The following NUDT13 variants were observed in gnomAD, a reference collection of about 807,000 sequenced individuals.
The protein encoded by NUDT13 is NAD(P)H pyrophosphatase NUDT13, mitochondrial.
Under a neutral mutation model 41.7 loss-of-function variants are expected in NUDT13, and 40 were observed. The ratio of observed to expected loss-of-function variants is 0.96; its 90% CI spans 0.75 to 1.25. The LOEUF is 1.25. NUDT13 is among the 50% of genes most tolerant of loss of function. NUDT13 has a pLI of 0.00. For synonymous variants in NUDT13, 145 were observed against 155.5 expected (o/e 0.93, Z 0.50); for missense variants, 390 against 416.1 (o/e 0.94, Z 0.55).
Position 73,114,361 on chromosome 10 carries a change from T to C in NUDT13, c.-5T>C. 2.0e-6 allele frequency: 3 copies of C among 1,501,374 alleles called. No individual in the cohort carries two copies. The highest frequency in any genetic ancestry group is 2.7e-6 in the Non-Finnish European group (3 of 1,104,588). 93.0% of individuals were successfully genotyped at this position (1,501,374 alleles called of 1,614,324 possible). On this transcript the variant is annotated 5_prime_UTR_variant, in exon 2 of 9. Coordinates refer to ENST00000357321, the MANE Select transcript of NUDT13 (RefSeq NM_015901.6). The stretch of plus-strand genomic sequence containing the variant: ...CTCCTTTTTTTTTTTTTTAAGGACC[T>C]GACAATGTCCCTGTATTGTGGAATA...
chr10:73,129,814 CT>C (rs1842873149), intron 8 of NUDT13, among the ~76,000 whole-genome samples: 1 of 151,546 alleles, frequency 6.6e-6, no homozygotes, highest in Non-Finnish European at 1.5e-5. Context: ...CCCGTCTCTA[CT>C]AAAAATACAA....
chr10:73,120,126 T>G lies in NUDT13; in HGVS notation c.192T>G (p.His64Gln). The part of the protein sequence containing the change: ...SLAPLLQTSA[H>Q]QYLAPRHSLL... ...CTCCTCTGCTTCAGACTTCAGCACATCAATACCTGGCCCCCCGGCACAGCC... is the reference window on the plus strand; with the variant it reads ...CTCCTCTGCTTCAGACTTCAGCACAGCAATACCTGGCCCCCCGGCACAGCC... The change falls in exon 3 of 9, where the codon CAT becomes CAG. Residue 64 changes from histidine to glutamine, a missense_variant. His to Gln is a conservative substitution (Grantham distance 24, BLOSUM62 0). Coordinates refer to ENST00000357321, the MANE Select transcript of NUDT13 (RefSeq NM_015901.6). The G allele has an allele frequency of 6.2e-7, 1 of 1,614,146 alleles. No homozygotes were observed. The highest frequency in any genetic ancestry group is 8.5e-7 in the Non-Finnish European group (1 of 1,180,026).
intron 2 of NUDT13, among the ~76,000 whole-genome samples, chr10:73,117,328 G>A (rs868274496): frequency 2.0e-5 from 3 of 151,602 alleles, no homozygotes; most frequent in South Asian, 2.1e-4. Flanking sequence ...AGGCTGAGAC[G>A]GGTGGATCAC....
At position 73,117,263 on chromosome 10, in the gene NUDT13, TA is replaced by T. The variant is rs370283970; in HGVS notation, c.84-2750del. Among the ~76,000 whole-genome samples the T allele has an allele frequency of 2.0e-4, 31 of 151,992 alleles. No individual in the cohort carries two copies. The East Asian group carries it at 5.6e-3, about 28-fold the overall frequency. On this transcript the variant is annotated intron_variant, in intron 2 of 8. Coordinates refer to ENST00000357321, the MANE Select transcript of NUDT13 (RefSeq NM_015901.6). ...TTAAATAAATCTATTTAAGAATGAA[TA>T]AAAATAATGAGGTCAGGCACGGTAG...
chr10:73,112,072 C>T (rs1842377555), intron 1 of NUDT13, among the ~76,000 whole-genome samples: 1 of 151,972 alleles, frequency 6.6e-6, no homozygotes, highest in African/African-American at 2.4e-5. Context: ...TAAATAAGGC[C>T]GGGGGCAGTG....
intron 8 of NUDT13, among the ~76,000 whole-genome samples, chr10:73,128,014 T>C (rs1243370732): frequency 1.3e-5 from 2 of 152,176 alleles, no homozygotes; most frequent in Non-Finnish European, 2.9e-5. Flanking sequence ...AGATTCCACA[T>C]ATAAGTGAGA....
chr10:73,122,387 G>A, intron 4 of NUDT13, 78 bp downstream of exon 4: 1 of 1,361,918 alleles, frequency 7.3e-7, no homozygotes, highest in Admixed American at 2.4e-5. Flanking sequence ...AAAATTTAAA[G>A]GAAAATTTGG....
intron 2 of NUDT13, among the ~76,000 whole-genome samples, chr10:73,117,877 A>G (rs913065978): frequency 1.3e-5 from 2 of 152,232 alleles, no homozygotes; most frequent in African/African-American, 4.8e-5. Context: ...TTCAACTTTG[A>G]TAATCATAGC....
intron 8 of NUDT13, among the ~76,000 whole-genome samples, chr10:73,129,167 C>CTT (rs900393888): frequency 0.013 from 1,398 of 110,116 alleles, 53 homozygotes; most frequent in African/African-American, 0.037. Context: ...AAGACGTTGT[C>CTT]TTTTTTTTTT....
intron 5 of NUDT13, 59 bp from the exon 6 acceptor site, chr10:73,125,059 G>T: frequency 3.2e-6 from 5 of 1,545,486 alleles, no homozygotes; most frequent in Middle Eastern, 2.3e-4. Flanking sequence ...GCCCAGTGCT[G>T]TTAAAGATGA....
At chr10:73,125,651 T>TTATATATATATATATATATATATATATA (rs57047791) in intron 7 of NUDT13, 142 bp downstream of exon 7, 278 of 195,414 alleles carry the variant, frequency 1.4e-3, no homozygotes, top group African/African-American at 7.3e-3. Flanking sequence ...TTCTGGCATT[T>TTATATATATATATATATATATATATATA]TATATATATA....
In NUDT13 at chr10:73,131,064, G is replaced by A. The variant is rs1842906928; in HGVS notation, c.*161G>A. 1 of 554,822 alleles carries A rather than the reference G, an allele frequency of 1.8e-6. No homozygotes were observed. Among genetic ancestry groups the A allele is most frequent in the East Asian group, 3.1e-5 (1 of 32,014 alleles). The allele number at this position is 554,822 out of a possible 1,614,324, so 34.4% of individuals were successfully genotyped here. On this transcript the variant is annotated 3_prime_UTR_variant, in exon 9 of 9. Transcript: ENST00000357321. ...AGACACTTCTATCAGCAGTGTTAAT[G>A]GAAGAAATTCCTACCAATGGGCAAT...
At chr10:73,129,167 C>CTTTTTTTTT (rs900393888) in intron 8 of NUDT13, among the ~76,000 whole-genome samples, 2 of 110,194 alleles carry the variant, frequency 1.8e-5, no homozygotes, top group African/African-American at 3.6e-5. Context: ...AAGACGTTGT[C>CTTTTTTTTT]TTTTTTTTTT....
At chr10:73,111,909 A>G (rs1457688590) in intron 1 of NUDT13, among the ~76,000 whole-genome samples, 1 of 152,224 alleles carries the variant, frequency 6.6e-6, no homozygotes, top group Non-Finnish European at 1.5e-5. Context: ...CTTAAAAGGA[A>G]TAAGTACACA....
intron 1 of NUDT13, among the ~76,000 whole-genome samples, chr10:73,113,640 A>G (rs1589650563): frequency 6.6e-6 from 1 of 152,218 alleles, no homozygotes. Flanking sequence ...TCAGTACTCA[A>G]TAAATACTTT....
At chr10:73,124,889 T>A (rs1294271606) in intron 5 of NUDT13, 3 of 451,502 alleles carry the variant, frequency 6.6e-6, no homozygotes, top group African/African-American at 5.9e-5. Flanking sequence ...ATGTTTTAAA[T>A]AATAATACAT....
At chr10:73,117,557 C>CAAAAAAAAA (rs75939322) in intron 2 of NUDT13, among the ~76,000 whole-genome samples, 1 of 49,940 alleles carries the variant, frequency 2.0e-5, no homozygotes. Context: ...AACTCAGTCT[C>CAAAAAAAAA]AAAAAAAAAA....
chr10:73,122,745 ATTT>A (rs58913434), intron 4 of NUDT13, among the ~76,000 whole-genome samples: 15 of 139,632 alleles, frequency 1.1e-4, no homozygotes, highest in African/African-American at 2.9e-4. Context: ...CTAATTTTTA[ATTT>A]TTTTTTTTTT....
At chr10:73,112,811 T>C (rs571642596) in intron 1 of NUDT13, among the ~76,000 whole-genome samples, 3 of 152,086 alleles carry the variant, frequency 2.0e-5, no homozygotes, top group African/African-American at 7.2e-5. Flanking sequence ...TTTTGTTTAC[T>C]TAATAATGTG....
Sources: allele counts gnomAD v4.1 joint callset (sites outside exome capture counted in the v4.1 genomes callset), GRCh38; gene constraint gnomAD v4.1.1; transcripts MANE v1.5; gene names NCBI Gene and HGNC (gene_info 2026-07-23, HGNC 2026-07-21).